Variants in MACROD2 observed in about 807,000 individuals in gnomAD.
MACROD2 encodes the protein ADP-ribose glycohydrolase MACROD2.
A neutral mutation model predicts 70.4 loss-of-function variants in MACROD2; 36 were observed. That is an observed-to-expected ratio of 0.51 (90% CI 0.39 to 0.68). MACROD2 has a LOEUF of 0.68. Ranked by LOEUF, MACROD2 falls within the 30% of genes least tolerant of loss-of-function variation. The probability of loss-of-function intolerance (pLI) is 0.00; values close to 1 mark genes in which losing one functional copy is unlikely to be tolerated. For missense variants in MACROD2, 496 were observed against 538.4 expected, an observed-to-expected ratio of 0.92 and a Z score of 0.78; for synonymous variants, 172 against 178.8, an observed-to-expected ratio of 0.96 and a Z score of 0.30.
At chr20:15,417,804 G>A (rs149590220) in intron 6 of MACROD2, among the ~76,000 whole-genome samples, 4 of 152,102 alleles carry the variant, frequency 2.6e-5, no homozygotes, top group East Asian at 1.9e-4. Context: ...TACTATAACG[G>A]AGGATATTTT....
chr20:14,673,711 G>A lies in MACROD2; in HGVS notation c.302-11132G>A, dbSNP rs373162654. Among the ~76,000 whole-genome samples the A allele has an allele frequency of 3.3e-5, 5 of 152,092 alleles. No individual in the cohort carries two copies. The East Asian group carries it at 9.7e-4, about 29-fold the overall frequency. On this transcript the variant is annotated intron_variant, in intron 4 of 17. Transcript: ENST00000684519. ...AAGCAGGTGGATCACTTGAGGTGAG[G>A]AGTTCGACACTAGCCTGACCAACAT... is the stretch of plus-strand genomic sequence containing the variant.
rs11907494 is a variant in MACROD2, at chr20:14,406,494, T to G, written c.272-86985T>G. On this transcript the variant is annotated intron_variant, in intron 3 of 17. Transcript: ENST00000684519. ...AGAACTAGAACAGTGCTAGATTGTATCAATATTGTAAGCTATTTATATACA... is the reference window on the plus strand; with the variant it reads ...AGAACTAGAACAGTGCTAGATTGTAGCAATATTGTAAGCTATTTATATACA... Among the ~76,000 whole-genome samples the G allele has an allele frequency of 4.8e-3, 738 of 152,256 alleles. 7 individuals carry two copies. The highest frequency in any genetic ancestry group is 0.016 in the African/African-American group (659 of 41,576).
chr20:14,709,367 T>C (rs1368664885), intron 5 of MACROD2, among the ~76,000 whole-genome samples: 1 of 152,112 alleles, frequency 6.6e-6, no homozygotes. Context: ...CTTTTACACA[T>C]GCTTCAAGGA....
chr20:14,347,847 T>G (rs1003393940), intron 3 of MACROD2, among the ~76,000 whole-genome samples: 1 of 152,064 alleles, frequency 6.6e-6, no homozygotes, highest in Non-Finnish European at 1.5e-5. Flanking sequence ...CACCCACACA[T>G]CCATTAGGAA....
At chr20:14,446,592 C>T (rs952571194) in intron 3 of MACROD2, among the ~76,000 whole-genome samples, 1 of 152,066 alleles carries the variant, frequency 6.6e-6, no homozygotes, top group Non-Finnish European at 1.5e-5. Flanking sequence ...CTTATGTCTC[C>T]AATTCTTAAC....
intron 6 of MACROD2, among the ~76,000 whole-genome samples, chr20:15,421,347 C>T (rs4814367): frequency 0.17 from 26,206 of 151,358 alleles, 2,781 homozygotes; most frequent in Non-Finnish European, 0.25. Context: ...CCACTGCACT[C>T]CAACCTAGGT....
At chr20:15,942,350 G>A (rs1172641316) in intron 12 of MACROD2, among the ~76,000 whole-genome samples, 1 of 152,176 alleles carries the variant, frequency 6.6e-6, no homozygotes, top group Admixed American at 6.6e-5. Flanking sequence ...GAATGCTGAT[G>A]AATAATTCAT....
intron 4 of MACROD2, among the ~76,000 whole-genome samples, chr20:14,635,536 T>TAA (rs200958999): frequency 6.6e-6 from 1 of 152,154 alleles, no homozygotes; most frequent in Non-Finnish European, 1.5e-5. Flanking sequence ...AATACAAAGG[T>TAA]AAAAAATGCA....
intron 7 of MACROD2, among the ~76,000 whole-genome samples, chr20:15,434,528 GT>G (rs778093681): frequency 6.6e-6 from 1 of 152,090 alleles, no homozygotes; most frequent in African/African-American, 2.4e-5. Context: ...AATAGATGTT[GT>G]GGTGGATGTG....
At chr20:14,017,349 C>T (rs2148621483) in intron 2 of MACROD2, among the ~76,000 whole-genome samples, 1 of 152,146 alleles carries the variant, frequency 6.6e-6, no homozygotes. Flanking sequence ...CTAAAACTTC[C>T]AATATTATGT....
intron 5 of MACROD2, among the ~76,000 whole-genome samples, chr20:14,915,231 G>A (rs564120911): frequency 2.0e-5 from 3 of 152,282 alleles, no homozygotes; most frequent in South Asian, 2.1e-4. Flanking sequence ...TGGCTCTTAC[G>A]AGCGTGAGTA....
rs113053339 is a variant in MACROD2 at position 14,444,783 on chromosome 20, C to T, written c.272-48696C>T. 1.2e-3 allele frequency among the ~76,000 whole-genome samples: 179 copies of T among 152,058 alleles called. 1 individual carries two copies. Among genetic ancestry groups the T allele is most frequent in the African/African-American group, 4.2e-3 (175 of 41,426 alleles). ...ATTCCTGTTTTTCTCTCACACATAA[C>T]GTCATGTAGTTCAGCAGAAAACCTT... On this transcript the variant is annotated intron_variant, in intron 3 of 17. Transcript: ENST00000684519.
intron 15 of MACROD2, among the ~76,000 whole-genome samples, chr20:16,039,123 A>T (rs2067274051): frequency 6.6e-6 from 1 of 151,824 alleles, no homozygotes; most frequent in African/African-American, 2.4e-5. Flanking sequence ...CAGCTTCACC[A>T]TTTTGCATTT....
chr20:15,274,616 G>C (rs751746995), intron 6 of MACROD2, among the ~76,000 whole-genome samples: 9 of 152,216 alleles, frequency 5.9e-5, no homozygotes, highest in African/African-American at 2.2e-4. Context: ...AGTTGTGCTG[G>C]AAGCAGAAGT....
intron 6 of MACROD2, among the ~76,000 whole-genome samples, chr20:15,234,009 A>ATATATTTTTTTTTTTTTTTTTTTT (rs1555795277): frequency 2.5e-5 from 1 of 39,998 alleles, no homozygotes; most frequent in Non-Finnish European, 4.7e-5. Context: ...ATATATATAT[A>ATATATTTTTTTTTTTTTTTTTTTT]TTCTTTTTTT....
intron 6 of MACROD2, among the ~76,000 whole-genome samples, chr20:15,314,717 C>CA (rs1327459923): frequency 6.6e-6 from 1 of 152,124 alleles, no homozygotes; most frequent in Non-Finnish European, 1.5e-5. Context: ...GGTCAATGAA[C>CA]AACCTCCAGC....
rs574259089 is a variant in MACROD2, at chr20:14,553,696, A to G, written c.301+60188A>G. Among the ~76,000 whole-genome samples, 8 of 152,234 alleles carry G rather than the reference A, an allele frequency of 5.3e-5. No homozygotes were observed. In the South Asian group the frequency reaches 8.3e-4, roughly 16 times the overall value. On this transcript the variant is annotated intron_variant, in intron 4 of 17. Transcript: ENST00000684519. ...ATCACCTTGTATATGCAGTCCATCA[A>G]TGATCAAAATGTTATGTAGTGCATG... is the stretch of plus-strand genomic sequence containing the variant.
chr20:15,428,520 C>T (rs1166032084), intron 6 of MACROD2, among the ~76,000 whole-genome samples: 1 of 152,150 alleles, frequency 6.6e-6, no homozygotes, highest in Non-Finnish European at 1.5e-5. Context: ...TCATTCTTAT[C>T]ATCAAGGATG....
At position 16,050,060 on chromosome 20, in the gene MACROD2, G is replaced by T. The variant is rs2067439240; in HGVS notation, c.*184G>T. 1.8e-6 allele frequency: 1 copy of T among 546,284 alleles called. No homozygotes were observed. 33.8% of individuals were successfully genotyped at this position (546,284 alleles called of 1,614,324 possible). ...TCTGCAGAAAAAGAAAGAAAAAAAA[G>T]AAAAAAAAAGTTTCCTTTAATTTGG... On this transcript the variant is annotated 3_prime_UTR_variant, in exon 18 of 18. Transcript: ENST00000684519.
Sources: gnomAD v4.1 joint callset for allele counts (sites outside exome capture counted in the v4.1 genomes callset) on GRCh38, gnomAD v4.1.1 for gene constraint, MANE v1.5 for transcripts, NCBI Gene and HGNC (gene_info 2026-07-23, HGNC 2026-07-21) for gene names.